KIAA0753: variants seen among roughly 807,000 people sequenced by gnomAD.
KIAA0753 encodes the protein KIAA0753, also known as protein moonraker.
In KIAA0753, 114 loss-of-function variants were observed where a neutral mutation model predicts 116.9. The observed-to-expected ratio is 0.98, with a 90% CI of 0.84 to 1.14. The LOEUF (loss-of-function observed/expected upper bound fraction) is 1.14, where lower values mean the gene tolerates loss of function less well. KIAA0753 is among the 50% of genes most tolerant of loss of function. The pLI is 0.00. For missense variants in KIAA0753, 1,156 were observed against 1,172.4 expected, an observed-to-expected ratio of 0.99 and a Z score of 0.20; for synonymous variants, 405 against 413.1, an observed-to-expected ratio of 0.98 and a Z score of 0.24.
intron 1 of KIAA0753, chr17:6,638,181 G>A (rs574882611): frequency 6.6e-6 from 1 of 151,738 alleles, no homozygotes; most frequent in Non-Finnish European, 1.5e-5. Flanking sequence ...ATTCCTCCCC[G>A]CCTGACCACA....
Position 6,639,282 on chromosome 17 carries a change from CTGT to C in KIAA0753, c.-69+1352_-69+1354del, listed in dbSNP as rs1972512763. ...TCAGAGCCCCAGGAATCTGCGGGGA[CTGT>C]CCTCTCCCCCACAGACCTGCAGCAC... On this transcript the variant is annotated intron_variant, in intron 1 of 18. Transcript: ENST00000361413. This position sits in a 1 kb window ranked among gnomAD's most constrained non-coding sequence, Gnocchi z 4.3. 6.6e-6 allele frequency: 1 copy of C among 152,510 alleles called. No homozygotes were observed. Among genetic ancestry groups the C allele is most frequent in the Admixed American group, 6.5e-5 (1 of 15,282 alleles). 9.4% of individuals were successfully genotyped at this position (152,510 alleles called of 1,614,324 possible). A position where few individuals can be genotyped will look rare whatever the true frequency, so the allele number is the denominator to read the frequency against.
chr17:6,586,244 G>C (rs893095069), intron 18 of KIAA0753, among the ~76,000 whole-genome samples: 1 of 152,130 alleles, frequency 6.6e-6, no homozygotes, highest in Non-Finnish European at 1.5e-5. Context: ...CCAGCACCAT[G>C]CTTCCTGTAA....
intron 3 of KIAA0753, 126 bp from the exon 4 acceptor site, chr17:6,624,987 G>A (rs1034584684): frequency 1.5e-6 from 1 of 667,882 alleles, no homozygotes; most frequent in East Asian, 2.9e-5. Context: ...AAAAAATGAG[G>A]CTATCATAAC....
chr17:6,580,236 T>G (rs1487912250), intron 18 of KIAA0753, among the ~76,000 whole-genome samples: 1 of 151,932 alleles, frequency 6.6e-6, no homozygotes, highest in Non-Finnish European at 1.5e-5. Context: ...TGGGAGCCAT[T>G]CTTTTACTCA....
chr17:6,600,417 A>G lies in KIAA0753; in HGVS notation c.2051T>C (p.Val684Ala), dbSNP rs1969788195. Reference sequence around the variant, plus strand: ...CAAGAGAGGCTTCAAACGATCCAGAACTGCCTCCTCTACCTTGTCTGCTAA... The same window carrying G: ...CAAGAGAGGCTTCAAACGATCCAGAGCTGCCTCCTCTACCTTGTCTGCTAA... ...THLADKVEEA[V>A]LDRLKPLLVK... is the part of the protein sequence containing the mutation. Residue 684 changes from valine to alanine, a missense_variant, in exon 13 of 19, where the codon GTT (valine) becomes GCT (alanine). Coordinates refer to ENST00000361413, the MANE Select transcript of KIAA0753 (RefSeq NM_014804.3). 1 of 1,613,884 alleles carries G rather than the reference A, an allele frequency of 6.2e-7. No homozygotes were observed. Among genetic ancestry groups the G allele is most frequent in the South Asian group, 1.1e-5 (1 of 91,080 alleles).
rs139463263 is a variant in KIAA0753 at position 6,612,237 on chromosome 17, A to G, written c.1316-89T>C. ...GATTATCTACACACAGATAGGCTCC[A>G]AATACCTATCCTAGCCCTGCTGAGA... On this transcript the variant is annotated intron_variant, in intron 7 of 18. Transcript: ENST00000361413. The G allele has an allele frequency of 6.1e-5, 57 of 927,236 alleles. No individual in the cohort carries two copies. In the African/African-American group the frequency reaches 9.2e-4, roughly 15 times the overall value. The allele number at this position is 927,236 out of a possible 1,614,324, so 57.4% of individuals were successfully genotyped here. A position where few individuals can be genotyped will look rare whatever the true frequency, so the allele number is the denominator to read the frequency against.
chr17:6,628,144 G>A lies in KIAA0753; in HGVS notation c.691C>T (p.His231Tyr), dbSNP rs199986970. 1.0e-4 allele frequency: 161 copies of A among 1,612,724 alleles called. No homozygotes were observed. In the African/African-American group the frequency reaches 1.9e-3, roughly 19 times the overall value. ...RLQKELSSCIHKIEEVTKKDR... is the reference protein window; with the variant it reads ...RLQKELSSCIYKIEEVTKKDR... ...TTTTTAGTTACCTCTTCAATTTTGT[G>A]GATACAACTGCTCAGTTCTTTCTGG... Residue 231 changes from histidine to tyrosine, a missense_variant, in exon 3 of 19, where the codon CAC (histidine) becomes TAC (tyrosine). His to Tyr is a moderately conservative substitution (Grantham distance 83, BLOSUM62 2). Transcript: ENST00000361413.
intron 16 of KIAA0753, among the ~76,000 whole-genome samples, chr17:6,594,279 C>CT (rs922146986): frequency 5.7e-5 from 1 of 17,604 alleles, no homozygotes; most frequent in African/African-American, 4.7e-4. Context: ...AGATTCTGAC[C>CT]CCCCCCCCCA....
intron 3 of KIAA0753, among the ~76,000 whole-genome samples, chr17:6,627,092 T>A (rs1033023916): frequency 6.6e-6 from 1 of 152,240 alleles, no homozygotes; most frequent in East Asian, 1.9e-4. Flanking sequence ...AATTTCTTTC[T>A]GGCCTTAATA....
At chr17:6,594,940 A>C (rs762570131) in intron 16 of KIAA0753, 32 bp downstream of exon 16, 1 of 1,537,994 alleles carries the variant, frequency 6.5e-7, no homozygotes, top group Non-Finnish European at 9.0e-7. Flanking sequence ...TCAGAATAAA[A>C]TGTTAGGGGA....
intron 12 of KIAA0753, among the ~76,000 whole-genome samples, chr17:6,605,219 C>T (rs888632602): frequency 1.3e-5 from 2 of 152,182 alleles, no homozygotes; most frequent in African/African-American, 4.8e-5. Flanking sequence ...GCTTGTCTTG[C>T]CCCTTTGCTG....
rs182366623 is a variant in KIAA0753, at chr17:6,597,908, T to C, written c.2172+1329A>G. Among the ~76,000 whole-genome samples the C allele has an allele frequency of 5.3e-3, 804 of 152,330 alleles. 7 individuals are homozygous for C. The highest frequency in any genetic ancestry group is 0.011 in the South Asian group (55 of 4,830). On this transcript the variant is annotated intron_variant, in intron 14 of 18. Transcript: ENST00000361413. ...GCCAACTTTGATGAGTTTGTTTGCT[T>C]TTGTTTGTTTTCATTCAGTTCTTTG...
intron 7 of KIAA0753, among the ~76,000 whole-genome samples, chr17:6,614,475 G>A (rs577730264): frequency 2.1e-5 from 3 of 146,252 alleles, no homozygotes; most frequent in Non-Finnish European, 4.5e-5. Flanking sequence ...ATCAATGTAT[G>A]TATCAATATG....
At chr17:6,593,938 C>T (rs186128419) in intron 16 of KIAA0753, among the ~76,000 whole-genome samples, 1 of 152,116 alleles carries the variant, frequency 6.6e-6, no homozygotes, top group African/African-American at 2.4e-5. Context: ...TTCACCTTCA[C>T]CAGGATGGTT....
rs192895193 is a variant in KIAA0753, at chr17:6,586,145, T to C, written c.2786+3634A>G. Among the ~76,000 whole-genome samples the C allele has an allele frequency of 7.8e-3, 1,193 of 152,268 alleles. 8 individuals carry two copies. The highest frequency in any genetic ancestry group is 0.012 in the Non-Finnish European group (826 of 67,998). On this transcript the variant is annotated intron_variant, in intron 18 of 18. Coordinates refer to ENST00000361413, the MANE Select transcript of KIAA0753 (RefSeq NM_014804.3). Reference sequence around the variant, plus strand: ...TTCTCCCCCACCCCTTGCTTGCTCCTTCTTTTGCTATGTGATGTGACTGTT... The same window carrying C: ...TTCTCCCCCACCCCTTGCTTGCTCCCTCTTTTGCTATGTGATGTGACTGTT...
At chr17:6,621,465 A>C (rs1179819845) in intron 6 of KIAA0753, among the ~76,000 whole-genome samples, 1 of 152,168 alleles carries the variant, frequency 6.6e-6, no homozygotes, top group African/African-American at 2.4e-5. Context: ...CACCTTCCTA[A>C]AAAAAGGCAT....
In KIAA0753 at chr17:6,587,792, C is replaced by A. The variant is rs149231843; in HGVS notation, c.2786+1987G>T. On this transcript the variant is annotated intron_variant, in intron 18 of 18. Coordinates refer to ENST00000361413, the MANE Select transcript of KIAA0753 (RefSeq NM_014804.3). ...ACACAAGTGATTATCCCTGATCCCA[C>A]CCAAAATCCCACTTGAATACAAGGA... is the stretch of plus-strand genomic sequence containing the variant. Among the ~76,000 whole-genome samples, 650 of 152,284 alleles carry A rather than the reference C, an allele frequency of 4.3e-3. 4 individuals are homozygous for A. The highest frequency in any genetic ancestry group is 0.027 in the Middle Eastern group (8 of 294).
Position 6,639,493 on chromosome 17 carries a change from T to G in KIAA0753, c.-69+1144A>C, listed in dbSNP as rs1972529744. 1 of 152,536 alleles carries G rather than the reference T, an allele frequency of 6.6e-6. No homozygotes were observed. The highest frequency in any genetic ancestry group is 1.5e-5 in the Non-Finnish European group (1 of 68,470). The allele number at this position is 152,536 out of a possible 1,614,324, so 9.4% of individuals were successfully genotyped here. On this transcript the variant is annotated intron_variant, in intron 1 of 18. Coordinates refer to ENST00000361413, the MANE Select transcript of KIAA0753 (RefSeq NM_014804.3). This position sits in a 1 kb window ranked among gnomAD's most constrained non-coding sequence, Gnocchi z 4.3. Reference sequence around the variant, plus strand: ...TCCCCTCCACAGGTGCGGGGCCATTTCAGAACTTGACGCCAAAGCCCCAGG... The same window carrying G: ...TCCCCTCCACAGGTGCGGGGCCATTGCAGAACTTGACGCCAAAGCCCCAGG...
At chr17:6,592,255 G>A (rs973348875) in intron 16 of KIAA0753, among the ~76,000 whole-genome samples, 23 of 152,196 alleles carry the variant, frequency 1.5e-4, no homozygotes, top group Non-Finnish European at 3.2e-4. Flanking sequence ...CAAAATTTGA[G>A]AGGGGGAGTA....
Sources: allele counts gnomAD v4.1 joint callset (sites outside exome capture counted in the v4.1 genomes callset), GRCh38; gene constraint gnomAD v4.1.1; non-coding constraint Gnocchi (gnomAD v3.1); transcripts MANE v1.5; gene names NCBI Gene and HGNC (gene_info 2026-07-23, HGNC 2026-07-21).